GALNT13: variants seen among roughly 807,000 people sequenced by gnomAD.
GALNT13 encodes UDP-GalNAc:polypeptide N-acetylgalactosaminyltransferase 13.
GALNT13 carries 28 observed loss-of-function variants against 64.2 expected under a neutral mutation model. That is an observed-to-expected ratio of 0.44 (90% CI 0.32 to 0.60). The LOEUF (loss-of-function observed/expected upper bound fraction) is 0.60. GALNT13 is among the 20% of genes least tolerant of loss of function. GALNT13 has a pLI of 0.05. For missense variants in GALNT13, 577 were observed against 669.8 expected (o/e 0.86, Z 1.53); for synonymous variants, 214 against 224.6 (o/e 0.95, Z 0.42).
At chr2:154,391,329 A>T (rs1448288172) in intron 9 of GALNT13, among the ~76,000 whole-genome samples, 1 of 152,216 alleles carries the variant, frequency 6.6e-6, no homozygotes, top group African/African-American at 2.4e-5. Flanking sequence ...AGGAATTGAA[A>T]TAGAATGCTC....
At chr2:153,146,956 A>G in the GALNT13 span, among the ~76,000 whole-genome samples, 1 of 151,766 alleles carries the variant, frequency 6.6e-6, no homozygotes, top group Non-Finnish European at 1.5e-5. Flanking sequence ...TTTCTTATTT[A>G]TATTCCTTAC....
rs768976317 is a variant in GALNT13 at position 154,400,538 on chromosome 2, C to T, written c.1296+4408C>T. Among the ~76,000 whole-genome samples the T allele has an allele frequency of 3.9e-5, 6 of 152,018 alleles. No homozygotes were observed. In the South Asian group the frequency reaches 1.0e-3, roughly 26 times the overall value. On this transcript the variant is annotated intron_variant, in intron 10 of 12. Coordinates refer to ENST00000392825, the MANE Select transcript of GALNT13 (RefSeq NM_052917.4). ...TGGTATTCAGTTTTTCTATTATATA[C>T]CATCACCAAAGTCAATAGTTATTGA... is the stretch of plus-strand genomic sequence containing the variant.
At chr2:154,420,244 G>T (rs1269200539) in intron 11 of GALNT13, among the ~76,000 whole-genome samples, 1 of 152,050 alleles carries the variant, frequency 6.6e-6, no homozygotes, top group Middle Eastern at 3.2e-3. Flanking sequence ...AAAATGTGTT[G>T]CTACTAACAG....
chr2:153,489,313 C>T, the GALNT13 span, among the ~76,000 whole-genome samples: 1 of 152,138 alleles, frequency 6.6e-6, no homozygotes, highest in Non-Finnish European at 1.5e-5. Context: ...TGTAAGCATG[C>T]TTTCTTTTTT....
At chr2:153,439,144 G>T in the GALNT13 span, among the ~76,000 whole-genome samples, 2 of 152,138 alleles carry the variant, frequency 1.3e-5, no homozygotes, top group Non-Finnish European at 2.9e-5. Context: ...AGATATTGGT[G>T]AACCGCAAAT....
chr2:154,211,125 G>T (rs1220600271), intron 4 of GALNT13, among the ~76,000 whole-genome samples: 7 of 152,072 alleles, frequency 4.6e-5, no homozygotes, highest in Non-Finnish European at 8.8e-5. Context: ...CTCATGCATT[G>T]CTTAACAGTG....
At chr2:154,390,340 G>A (rs866815087) in intron 9 of GALNT13, among the ~76,000 whole-genome samples, 3 of 152,110 alleles carry the variant, frequency 2.0e-5, no homozygotes, top group Admixed American at 6.5e-5. Context: ...ATTAACCCTA[G>A]TACCCATTAG....
At chr2:153,413,628 A>G in the GALNT13 span, among the ~76,000 whole-genome samples, 2 of 152,172 alleles carry the variant, frequency 1.3e-5, no homozygotes, top group South Asian at 4.1e-4. Context: ...GTCCATGTAA[A>G]ATAGATCCTA....
intron 3 of GALNT13, among the ~76,000 whole-genome samples, chr2:154,135,945 G>A (rs1682926416): frequency 6.6e-6 from 1 of 152,150 alleles, no homozygotes; most frequent in Non-Finnish European, 1.5e-5. Flanking sequence ...AGTGGTTTTT[G>A]TGGTGGGGGG....
chr2:153,215,671 T>A, the GALNT13 span, among the ~76,000 whole-genome samples: 1 of 152,064 alleles, frequency 6.6e-6, no homozygotes, highest in South Asian at 2.1e-4. Flanking sequence ...TATCATGCAG[T>A]TTCTTTGGAT....
intron 9 of GALNT13, among the ~76,000 whole-genome samples, chr2:154,340,517 A>G (rs1695701418): frequency 6.6e-6 from 1 of 152,020 alleles, no homozygotes; most frequent in South Asian, 2.1e-4. Context: ...TTTTTGATTC[A>G]TTTCTTTATT....
chr2:153,224,618 CAAGA>C, the GALNT13 span, among the ~76,000 whole-genome samples: 2 of 151,916 alleles, frequency 1.3e-5, no homozygotes, highest in South Asian at 4.1e-4. Flanking sequence ...CAAGGCTAAG[CAAGA>C]AAGAGAGAGA....
intron 4 of GALNT13, among the ~76,000 whole-genome samples, chr2:154,210,001 T>C (rs1687677050): frequency 6.6e-6 from 1 of 152,140 alleles, no homozygotes; most frequent in Admixed American, 6.6e-5. Flanking sequence ...ACATGTCCCC[T>C]TTTCCACCAC....
chr2:153,292,292 A>G, the GALNT13 span, among the ~76,000 whole-genome samples: 1 of 119,500 alleles, frequency 8.4e-6, no homozygotes, highest in Non-Finnish European at 2.0e-5. Context: ...AAAAGAAGAA[A>G]GGGTAACTTA....
the GALNT13 span, among the ~76,000 whole-genome samples, chr2:153,214,320 A>T: frequency 6.6e-6 from 1 of 152,174 alleles, no homozygotes; most frequent in Non-Finnish European, 1.5e-5. Context: ...ACCATAGCTG[A>T]TGAATAGCAA....
the GALNT13 span, among the ~76,000 whole-genome samples, chr2:153,282,122 T>A: frequency 1.5e-4 from 23 of 152,064 alleles, no homozygotes; most frequent in Non-Finnish European, 2.6e-4. Context: ...CTTAAAAAAT[T>A]TTTTTTTCTG....
At chr2:153,899,886 A>G (rs1013690734) in intron 1 of GALNT13, among the ~76,000 whole-genome samples, 5 of 150,570 alleles carry the variant, frequency 3.3e-5, no homozygotes, top group Non-Finnish European at 5.9e-5. Context: ...GTCTGAAAGA[A>G]CACACTGTAT....
the GALNT13 span, among the ~76,000 whole-genome samples, chr2:153,709,487 A>T: frequency 6.6e-5 from 10 of 152,086 alleles, no homozygotes; most frequent in Admixed American, 2.6e-4. Flanking sequence ...AAGTCAAGTG[A>T]TAGCGAGTGT....
chr2:153,208,751 A>G, the GALNT13 span, among the ~76,000 whole-genome samples: 393 of 152,180 alleles, frequency 2.6e-3, no homozygotes, highest in Non-Finnish European at 4.2e-3. Flanking sequence ...TGTTTGTACT[A>G]TTTTGCAATT....
Sources: allele counts gnomAD v4.1 joint callset (sites outside exome capture counted in the v4.1 genomes callset), GRCh38; gene constraint gnomAD v4.1.1; transcripts MANE v1.5; gene names NCBI Gene and HGNC (gene_info 2026-07-23, HGNC 2026-07-21).